HPSE2: variants seen among roughly 807,000 people sequenced by gnomAD.
HPSE2 encodes the protein heparanase 2 (inactive), also known as inactive heparanase-2.
In HPSE2, 38 loss-of-function variants were observed where a neutral mutation model predicts 60.5. That is an observed-to-expected ratio of 0.63 (90% CI 0.48 to 0.82). The LOEUF is 0.82. HPSE2 is among the 40% of genes least tolerant of loss of function. The pLI, the probability that HPSE2 is intolerant of heterozygous loss-of-function variation, is 0.00. For missense variants in HPSE2, 713 were observed against 740.4 expected (o/e 0.96, Z 0.43); for synonymous variants, 295 against 293.2 (o/e 1.01, Z -0.06).
intron 3 of HPSE2, among the ~76,000 whole-genome samples, chr10:99,041,476 C>T (rs1007720355): frequency 6.6e-6 from 1 of 152,132 alleles, no homozygotes; most frequent in Non-Finnish European, 1.5e-5. Context: ...TCCCAACCCC[C>T]AATCCCTCTG....
At chr10:99,263,332 G>A in the HPSE2 span, among the ~76,000 whole-genome samples, 1 of 152,076 alleles carries the variant, frequency 6.6e-6, no homozygotes, top group African/African-American at 2.4e-5. Flanking sequence ...CTTAACTCAA[G>A]CCCTCACTCT....
chr10:98,910,551 TCAG>T (rs1953951352), intron 3 of HPSE2, among the ~76,000 whole-genome samples: 1 of 152,196 alleles, frequency 6.6e-6, no homozygotes, highest in South Asian at 2.1e-4. Context: ...ATTTTTAAAT[TCAG>T]CAGCAGCATC....
In HPSE2 at chr10:98,527,041, A is replaced by T. The variant is rs113780073; in HGVS notation, c.1321-36845T>A. Reference sequence around the variant, plus strand: ...GTGCATAAAAAGGAGCAGAATGTAAACAGTTATCCCTTGGTTCCCCTCTTA... The same window carrying T: ...GTGCATAAAAAGGAGCAGAATGTAATCAGTTATCCCTTGGTTCCCCTCTTA... On this transcript the variant is annotated intron_variant, in intron 9 of 11. Transcript: ENST00000370552. 7.6e-3 allele frequency among the ~76,000 whole-genome samples: 1,161 copies of T among 152,184 alleles called. 13 individuals are homozygous for T. Among genetic ancestry groups the T allele is most frequent in the African/African-American group, 0.026 (1,092 of 41,506 alleles).
chr10:99,040,951 G>A (rs1957724567), intron 3 of HPSE2, among the ~76,000 whole-genome samples: 1 of 152,008 alleles, frequency 6.6e-6, no homozygotes, highest in Non-Finnish European at 1.5e-5. Flanking sequence ...GCCAGGTGTG[G>A]TGGCGGGTGC....
At chr10:99,177,882 C>T (rs1332116948) in intron 2 of HPSE2, among the ~76,000 whole-genome samples, 1 of 152,036 alleles carries the variant, frequency 6.6e-6, no homozygotes, top group Non-Finnish European at 1.5e-5. Context: ...TAAAACATTC[C>T]TCAGCAGATG....
At chr10:98,558,435 T>G (rs1944076496) in intron 9 of HPSE2, among the ~76,000 whole-genome samples, 1 of 152,210 alleles carries the variant, frequency 6.6e-6, no homozygotes, top group Non-Finnish European at 1.5e-5. Context: ...ACAATGAGAA[T>G]GAGCAATCCA....
At chr10:98,564,848 A>G (rs550214201) in intron 9 of HPSE2, among the ~76,000 whole-genome samples, 3 of 152,190 alleles carry the variant, frequency 2.0e-5, no homozygotes, top group Non-Finnish European at 4.4e-5. Flanking sequence ...GTTTCCAACC[A>G]TCATTGAAAG....
At chr10:98,578,337 C>A (rs1295968157) in intron 9 of HPSE2, among the ~76,000 whole-genome samples, 1 of 152,088 alleles carries the variant, frequency 6.6e-6, no homozygotes, top group Non-Finnish European at 1.5e-5. Flanking sequence ...GGACCCAAGT[C>A]ATGAGGTGCA....
the HPSE2 span, among the ~76,000 whole-genome samples, chr10:99,298,585 T>C: frequency 6.6e-6 from 1 of 152,206 alleles, no homozygotes; most frequent in Non-Finnish European, 1.5e-5. Context: ...GGCCTAGATA[T>C]GGTTCTTTGT....
chr10:98,836,821 A>T (rs1238204119), intron 3 of HPSE2, among the ~76,000 whole-genome samples: 1 of 152,170 alleles, frequency 6.6e-6, no homozygotes, highest in African/African-American at 2.4e-5. Flanking sequence ...CAGGTGGATC[A>T]TGAGGTCAGG....
chr10:99,136,090 A>G (rs1845638496), intron 3 of HPSE2, among the ~76,000 whole-genome samples: 1 of 152,216 alleles, frequency 6.6e-6, no homozygotes, highest in Non-Finnish European at 1.5e-5. Flanking sequence ...ACGAACTACC[A>G]TCAGAGAATA....
chr10:98,730,063 G>C (rs1022387787), intron 4 of HPSE2, among the ~76,000 whole-genome samples: 2 of 147,052 alleles, frequency 1.4e-5, no homozygotes, highest in Non-Finnish European at 1.5e-5. Flanking sequence ...CTAGTACATA[G>C]AGAAAACATC....
intron 3 of HPSE2, among the ~76,000 whole-genome samples, chr10:98,868,074 AAAGAAAATAAATAAATAAATAAAT>A (rs1564621524): frequency 1.9e-5 from 2 of 104,822 alleles, no homozygotes; most frequent in African/African-American, 7.5e-5. Flanking sequence ...AAAAAGAAAG[AAAGAAAATAAATAAATAAATAAAT>A]AAATAAATAA....
chr10:98,721,585 C>G, intron 5 of HPSE2, 72 bp downstream of exon 5: 1 of 1,299,148 alleles, frequency 7.7e-7, no homozygotes, highest in Non-Finnish European at 1.1e-6. Flanking sequence ...AAATAAATAA[C>G]CAAGAGAAAT....
chr10:99,220,807 CA>C (rs113095503), intron 2 of HPSE2, among the ~76,000 whole-genome samples: 1,872 of 56,484 alleles, frequency 0.033, 59 homozygotes, highest in East Asian at 0.25. Context: ...GACTCCGTCT[CA>C]AAAAAAAAAA....
At chr10:98,634,125 C>G (rs1946434622) in intron 7 of HPSE2, among the ~76,000 whole-genome samples, 1 of 152,178 alleles carries the variant, frequency 6.6e-6, no homozygotes, top group African/African-American at 2.4e-5. Context: ...ACAAAGTTAG[C>G]AGCAGATAAG....
Position 99,184,817 on chromosome 10 carries a change from TATAGAGAGAGAGAGAGAGAGAG to T in HPSE2, c.449-40440_449-40419del, listed in dbSNP as rs1414296884. 5.2e-3 allele frequency among the ~76,000 whole-genome samples: 90 copies of T among 17,182 alleles called. 2 individuals are homozygous for T. Among genetic ancestry groups the T allele is most frequent in the Non-Finnish European group, 8.3e-3 (51 of 6,108 alleles). The allele number at this position is 17,182 out of a possible 152,430, so 11.3% of individuals were successfully genotyped here. On this transcript the variant is annotated intron_variant, in intron 2 of 11. Coordinates refer to ENST00000370552, the MANE Select transcript of HPSE2 (RefSeq NM_021828.5). ...ATATATATATATATATATATATATA[TATAGAGAGAGAGAGAGAGAGAG>T]AGAGAGAGAGAGAGAGAGAGAGAGA...
At chr10:98,515,085 C>A (rs11189644) in intron 9 of HPSE2, among the ~76,000 whole-genome samples, 4,015 of 152,204 alleles carry the variant, frequency 0.026, 69 homozygotes, top group Middle Eastern at 0.044. Flanking sequence ...ATATTGAACT[C>A]GCTGGACTTT....
intron 3 of HPSE2, among the ~76,000 whole-genome samples, chr10:99,108,361 T>C (rs911509582): frequency 6.6e-5 from 10 of 151,062 alleles, no homozygotes; most frequent in African/African-American, 2.4e-4. Context: ...AAGAAACCTG[T>C]AGCAACTAGT....
Sources: allele counts gnomAD v4.1 joint callset (sites outside exome capture counted in the v4.1 genomes callset), GRCh38; gene constraint gnomAD v4.1.1; transcripts MANE v1.5; gene names NCBI Gene and HGNC (gene_info 2026-07-23, HGNC 2026-07-21).